SPTLC1: variants seen among roughly 807,000 people sequenced by gnomAD.
The protein encoded by SPTLC1 is serine palmitoyltransferase 1.
SPTLC1 carries 55 observed loss-of-function variants against 68.9 expected under a neutral mutation model. That is an observed-to-expected ratio of 0.80 (90% confidence interval 0.64 to 1.00). The LOEUF (loss-of-function observed/expected upper bound fraction) is 1.00. Among genes scored for constraint, SPTLC1 ranks in the 50% least tolerant of loss-of-function variants. The pLI, the probability that SPTLC1 is intolerant of heterozygous loss-of-function variation, is 0.00. For synonymous variants in SPTLC1, 197 were observed against 201.6 expected, an observed-to-expected ratio of 0.98 and a Z score of 0.19; for missense variants, 449 against 573.1, an observed-to-expected ratio of 0.78 and a Z score of 2.21.
At chr9:92,091,901 T>C (rs961313634) in intron 3 of SPTLC1, among the ~76,000 whole-genome samples, 4 of 151,956 alleles carry the variant, frequency 2.6e-5, no homozygotes, top group Non-Finnish European at 5.9e-5. Flanking sequence ...ATCAGACAAA[T>C]GGACTTTAAG....
intron 3 of SPTLC1, among the ~76,000 whole-genome samples, chr9:92,086,730 C>T (rs898197946): frequency 6.6e-6 from 1 of 152,066 alleles, no homozygotes; most frequent in African/African-American, 2.4e-5. Flanking sequence ...CTTGGAGTTG[C>T]TCTTCTCAAG....
At chr9:92,105,384 G>A (rs1835921138) in intron 3 of SPTLC1, 3 of 1,503,260 alleles carry the variant, frequency 2.0e-6, no homozygotes, top group Non-Finnish European at 1.8e-6. Context: ...AAATTCAGGA[G>A]ACTAAGAGAG....
chr9:92,107,230 G>A (rs1361862727), intron 3 of SPTLC1, among the ~76,000 whole-genome samples: 3 of 152,150 alleles, frequency 2.0e-5, no homozygotes, highest in South Asian at 2.1e-4. Flanking sequence ...TGAGTCTCTG[G>A]TATAAGGAGA....
intron 3 of SPTLC1, among the ~76,000 whole-genome samples, chr9:92,096,002 G>C (rs1343746907): frequency 1.3e-5 from 2 of 152,176 alleles, no homozygotes; most frequent in African/African-American, 2.4e-5. Flanking sequence ...GTATAAACTG[G>C]AAGTCCTAAG....
At chr9:92,084,578 C>A (rs910218428) in intron 3 of SPTLC1, among the ~76,000 whole-genome samples, 2 of 151,970 alleles carry the variant, frequency 1.3e-5, no homozygotes, top group Non-Finnish European at 2.9e-5. Flanking sequence ...GCCTTGCATC[C>A]CAGGGATGAA....
At chr9:92,112,338 C>T in intron 2 of SPTLC1, 117 bp downstream of exon 2, 2 of 729,742 alleles carry the variant, frequency 2.7e-6, no homozygotes, top group Non-Finnish European at 2.4e-6. Flanking sequence ...CCTTGATTTC[C>T]TTACATTACA....
At chr9:92,100,175 G>A (rs1835696062) in intron 3 of SPTLC1, among the ~76,000 whole-genome samples, 2 of 151,854 alleles carry the variant, frequency 1.3e-5, no homozygotes, top group Non-Finnish European at 2.9e-5. Flanking sequence ...AGCACTTTGG[G>A]AGGCCGAGGC....
At chr9:92,067,255 C>T (rs12237221) in intron 6 of SPTLC1, among the ~76,000 whole-genome samples, 11,674 of 151,278 alleles carry the variant, frequency 0.077, 811 homozygotes, top group East Asian at 0.27. Context: ...GCCAAGATTG[C>T]GCCATTGCAC....
At position 92,047,621 on chromosome 9, in the gene SPTLC1, C is replaced by T. The variant is rs1192645629; in HGVS notation, c.976G>A (p.Asp326Asn). ...TTTTAAAAAGAACCCACCTGATGGT[C>T]AATTACAAAAGACCTGCCACAGCAG... The part of the protein sequence containing the change: ...GFCCGRSFVI[D>N]HQRLSGQGYC... Residue 326 changes from aspartate to asparagine, a missense_variant, in exon 10 of 15, where the codon GAC (aspartate) becomes AAC (asparagine). Around this residue, in one of 3 missense-constraint regions of SPTLC1, gnomAD observed 391 missense variants for 472.1 expected, o/e 0.83. Coordinates refer to ENST00000262554, the MANE Select transcript of SPTLC1 (RefSeq NM_006415.4). 1.2e-6 allele frequency: 2 copies of T among 1,611,168 alleles called. No homozygotes were observed.
At chr9:92,115,175 A>C in intron 1 of SPTLC1, 139 bp downstream of exon 1, 1 of 613,054 alleles carries the variant, frequency 1.6e-6, no homozygotes, top group Non-Finnish European at 2.9e-6. Context: ...AGCTCCCGGC[A>C]GTCCTTCCAG....
intron 3 of SPTLC1, among the ~76,000 whole-genome samples, chr9:92,103,639 C>A (rs1334515042): frequency 6.6e-6 from 1 of 152,260 alleles, no homozygotes; most frequent in Non-Finnish European, 1.5e-5. Flanking sequence ...GCACCGCGTC[C>A]TCTCTTTGGA....
chr9:92,101,844 GAA>G (rs1178201343), intron 3 of SPTLC1, among the ~76,000 whole-genome samples: 1 of 151,654 alleles, frequency 6.6e-6, no homozygotes, highest in African/African-American at 2.4e-5. Context: ...GAGAAACAGA[GAA>G]AAGAGACAAA....
chr9:92,032,118 A>C lies in SPTLC1; in HGVS notation c.*347T>G. On this transcript the variant is annotated 3_prime_UTR_variant, in exon 15 of 15. Transcript: ENST00000262554. ...TGAACCATTACTATTAGAGGGAGGG[A>C]AGAGACACTGAAGCTCCAGTTTTAA... 1 of 650,874 alleles carries C rather than the reference A, an allele frequency of 1.5e-6. No individual in the cohort carries two copies. Among genetic ancestry groups the C allele is most frequent in the South Asian group, 2.1e-5 (1 of 47,614 alleles). The allele number at this position is 650,874 out of a possible 1,614,324, so 40.3% of individuals were successfully genotyped here.
At chr9:92,079,575 A>C (rs1401719257) in intron 5 of SPTLC1, 3 of 1,610,622 alleles carry the variant, frequency 1.9e-6, no homozygotes, top group Non-Finnish European at 8.5e-7. Context: ...TTCTAGAAAG[A>C]TAAAAAACTA....
chr9:92,050,975 G>T, intron 8 of SPTLC1: 1 of 985,012 alleles, frequency 1.0e-6, no homozygotes. Flanking sequence ...ACCATGCCCA[G>T]CTTCAGTGCT....
intron 3 of SPTLC1, among the ~76,000 whole-genome samples, chr9:92,085,824 C>T (rs1248922723): frequency 6.6e-6 from 1 of 151,706 alleles, no homozygotes. Flanking sequence ...GTTGATCTGT[C>T]TAATGTTGAC....
intron 5 of SPTLC1, among the ~76,000 whole-genome samples, chr9:92,072,959 A>C (rs10739924): frequency 0.5 from 73,946 of 149,052 alleles, 19,911 homozygotes; most frequent in African/African-American, 0.72. Context: ...TTCTCCCCCC[A>C]ACCCACCTAT....
At chr9:92,047,860 T>TA in intron 9 of SPTLC1, 152 bp from the exon 10 acceptor site, 1 of 645,816 alleles carries the variant, frequency 1.5e-6, no homozygotes, top group Non-Finnish European at 2.8e-6. Context: ...ATAAACCATA[T>TA]AACATCTATC....
intron 12 of SPTLC1, 38 bp downstream of exon 12, chr9:92,045,961 G>C: frequency 6.3e-7 from 1 of 1,580,744 alleles, no homozygotes; most frequent in Non-Finnish European, 8.7e-7. Context: ...GTGTGGTGCA[G>C]ATAAACTTTA....
Sources: allele counts gnomAD v4.1 joint callset (sites outside exome capture counted in the v4.1 genomes callset), GRCh38; gene constraint gnomAD v4.1.1; regional missense constraint gnomAD v4.1.1; transcripts MANE v1.5; gene names NCBI Gene and HGNC (gene_info 2026-07-23, HGNC 2026-07-21).